KLHL8: variants seen among roughly 807,000 people sequenced by gnomAD.
KLHL8 encodes kelch like family member 8, also known as kelch-like protein 8.
KLHL8 carries 38 observed loss-of-function variants against 63.5 expected under a neutral mutation model. The ratio of observed to expected loss-of-function variants is 0.60; its 90% CI spans 0.46 to 0.78. The LOEUF is 0.78. Among genes scored for constraint, KLHL8 ranks in the 30% least tolerant of loss-of-function variants. KLHL8 has a pLI of 0.00. For missense variants in KLHL8, 566 were observed against 752.4 expected (o/e 0.75, Z 2.90); for synonymous variants, 224 against 254.3 (o/e 0.88, Z 1.13).
chr4:87,194,358 C>CA (rs1731615060), intron 2 of KLHL8, among the ~76,000 whole-genome samples: 1 of 152,180 alleles, frequency 6.6e-6, no homozygotes, highest in Non-Finnish European at 1.5e-5. Context: ...TTAGACTTCC[C>CA]AACCTTCAGA....
intron 4 of KLHL8, among the ~76,000 whole-genome samples, chr4:87,181,971 G>A (rs1731067997): frequency 1.3e-5 from 2 of 152,116 alleles, no homozygotes; most frequent in Admixed American, 6.5e-5. Context: ...ACTCACGCCT[G>A]TAATCCCAGC....
intron 1 of KLHL8, among the ~76,000 whole-genome samples, chr4:87,230,893 A>G (rs1733124747): frequency 6.6e-6 from 1 of 152,130 alleles, no homozygotes; most frequent in Non-Finnish European, 1.5e-5. Flanking sequence ...AGATGTTAGG[A>G]TTTTTTGCAT....
intron 4 of KLHL8, among the ~76,000 whole-genome samples, chr4:87,180,305 A>C (rs899441366): frequency 6.6e-6 from 1 of 152,242 alleles, no homozygotes; most frequent in Non-Finnish European, 1.5e-5. Flanking sequence ...GGACTAGCAC[A>C]GTACCTGCCA....
chr4:87,236,899 G>C (rs1022758402), intron 1 of KLHL8, among the ~76,000 whole-genome samples: 2 of 151,938 alleles, frequency 1.3e-5, no homozygotes, highest in Middle Eastern at 3.4e-3. Context: ...CCTGACCTCA[G>C]GTGAGCCACT....
chr4:87,164,897 C>A (rs542674435), intron 8 of KLHL8, among the ~76,000 whole-genome samples: 3 of 151,808 alleles, frequency 2.0e-5, no homozygotes, highest in Non-Finnish European at 2.9e-5. Flanking sequence ...GCCTGTAATC[C>A]CAGCACTTTG....
chr4:87,166,524 CTCTTAT>C (rs1192584815), intron 8 of KLHL8, among the ~76,000 whole-genome samples: 4 of 152,158 alleles, frequency 2.6e-5, no homozygotes, highest in African/African-American at 9.7e-5. Flanking sequence ...CATGTATTAT[CTCTTAT>C]TCTTAAAATG....
chr4:87,209,989 G>A (rs1732334637), intron 1 of KLHL8, among the ~76,000 whole-genome samples: 1 of 151,840 alleles, frequency 6.6e-6, no homozygotes, highest in African/African-American at 2.4e-5. Flanking sequence ...GAGTAGCTGG[G>A]ACTACATACA....
intron 8 of KLHL8, among the ~76,000 whole-genome samples, chr4:87,166,208 A>T (rs1195008777): frequency 3.3e-5 from 5 of 152,244 alleles, no homozygotes. Flanking sequence ...TGTGATAATC[A>T]GGCAAGATGT....
intron 1 of KLHL8, among the ~76,000 whole-genome samples, chr4:87,197,532 C>T (rs191017144): frequency 3.9e-4 from 60 of 152,306 alleles, no homozygotes; most frequent in Admixed American, 5.9e-4. Flanking sequence ...AGCTTTATTG[C>T]AGCCTTATGA....
Position 87,178,460 on chromosome 4 carries a change from G to A in KLHL8, c.1096+17C>T. The A allele has an allele frequency of 6.3e-7, 1 of 1,585,580 alleles. No homozygotes were observed. The highest frequency in any genetic ancestry group is 8.5e-7 in the Non-Finnish European group (1 of 1,171,516). On this transcript the variant is annotated intron_variant, in intron 5 of 9. Transcript: ENST00000273963. Reference sequence around the variant, plus strand: ...AGCATTGTGATCATATGATATTTCAGACAAGAGTGGACCCACCTTCCACAG... The same window carrying A: ...AGCATTGTGATCATATGATATTTCAAACAAGAGTGGACCCACCTTCCACAG...
rs751935076 is a variant in KLHL8, at chr4:87,164,018, C to T, written c.1599G>A (p.Lys533=). ...TAGTAAGTGCTGCCACATAATCCCA[C>T]TTGTTGCTTCGGGGGTCATACCGCT... ...SVERYDPRSN[K]WDYVAALTTP... Residue 533 remains lysine, a synonymous_variant, in exon 9 of 10, where the codon AAG becomes AAA. Transcript: ENST00000273963. 1 of 1,614,210 alleles carries T rather than the reference C, an allele frequency of 6.2e-7. No homozygotes were observed. Among genetic ancestry groups the T allele is most frequent in the Non-Finnish European group, 8.5e-7 (1 of 1,180,026 alleles).
Position 87,170,482 on chromosome 4 carries a change from T to C in KLHL8, c.1342A>G (p.Thr448Ala). 6.2e-7 allele frequency: 1 copy of C among 1,610,438 alleles called. No individual in the cohort carries two copies. The highest frequency in any genetic ancestry group is 1.3e-5 in the African/African-American group (1 of 74,786). ...DQWSTVAPMN[T>A]PRGGVGSVAL... The stretch of plus-strand genomic sequence containing the variant: ...ACAGAGCCAACTCCTCCACGGGGAG[T>C]ATTCATTGGTGCCACTGTACTCCAC... Residue 448 changes from threonine (T) to alanine (A), a missense_variant, in exon 7 of 10, where the codon ACT becomes GCT. Physicochemically the swap from Thr to Ala is moderately conservative, Grantham distance 58. Coordinates refer to ENST00000273963, the MANE Select transcript of KLHL8 (RefSeq NM_020803.5).
chr4:87,235,787 A>C (rs11097130), intron 1 of KLHL8, among the ~76,000 whole-genome samples: 108,786 of 152,054 alleles, frequency 0.72, 39,083 homozygotes, highest in East Asian at 0.77. Flanking sequence ...TCCTAATACA[A>C]CCCGAGGGGT....
At chr4:87,192,909 TTTTTA>T (rs1731548087) in intron 2 of KLHL8, among the ~76,000 whole-genome samples, 2 of 152,158 alleles carry the variant, frequency 1.3e-5, no homozygotes, top group African/African-American at 4.8e-5. Flanking sequence ...TAAGGTATTT[TTTTTA>T]AAGTACACCC....
chr4:87,197,482 T>A (rs555267561), intron 1 of KLHL8, among the ~76,000 whole-genome samples: 7 of 152,294 alleles, frequency 4.6e-5, no homozygotes, highest in African/African-American at 1.7e-4. Context: ...GAAGCAGATT[T>A]CTTCATAATT....
At chr4:87,191,826 A>G (rs1409998784) in intron 2 of KLHL8, among the ~76,000 whole-genome samples, 1 of 149,698 alleles carries the variant, frequency 6.7e-6, no homozygotes, top group African/African-American at 2.5e-5. Flanking sequence ...TGTTTACTCA[A>G]TATTTAGTTC....
chr4:87,183,290 C>T lies in KLHL8; in HGVS notation c.865G>A (p.Ala289Thr). Residue 289 changes from alanine (A) to threonine (T), a missense_variant, in exon 4 of 10, where the codon GCA (alanine) becomes ACA (threonine). By Grantham distance (58) the Ala-to-Thr change is moderately conservative (BLOSUM62 0). Transcript: ENST00000273963. ...CTCAAGTGAAGGTGGTAATTTCTTGCTTCATCCAGTAAATCTCTACATTTT... is the reference window on the plus strand; with the variant it reads ...CTCAAGTGAAGGTGGTAATTTCTTGTTTCATCCAGTAAATCTCTACATTTT... ...NLKCRDLLDEARNYHLHLSSR... is the reference protein window; with the variant it reads ...NLKCRDLLDETRNYHLHLSSR... 3 of 1,613,738 alleles carry T rather than the reference C, an allele frequency of 1.9e-6. No homozygotes were observed. The highest frequency in any genetic ancestry group is 2.5e-6 in the Non-Finnish European group (3 of 1,179,744).
chr4:87,196,115 A>G (rs1441955231), intron 1 of KLHL8, among the ~76,000 whole-genome samples: 1 of 151,242 alleles, frequency 6.6e-6, no homozygotes, highest in East Asian at 1.9e-4. Flanking sequence ...ATACGTGGCC[A>G]TGAACTAAAA....
chr4:87,228,879 A>G (rs1231255320), intron 1 of KLHL8, among the ~76,000 whole-genome samples: 2 of 152,238 alleles, frequency 1.3e-5, no homozygotes, highest in African/African-American at 4.8e-5. Flanking sequence ...GCTACCAGTC[A>G]TGAAGCCACA....
Sources: gnomAD v4.1 joint callset for allele counts (sites outside exome capture counted in the v4.1 genomes callset) on GRCh38, gnomAD v4.1.1 for gene constraint, MANE v1.5 for transcripts, NCBI Gene and HGNC (gene_info 2026-07-23, HGNC 2026-07-21) for gene names.